The following TBXAS1 variants were observed in gnomAD, a reference collection of about 807,000 sequenced individuals.
The protein encoded by TBXAS1 is thromboxane-A synthase.
In TBXAS1, 48 loss-of-function variants were observed where a neutral mutation model predicts 60.7. The observed-to-expected ratio is 0.79, with a 90% CI of 0.63 to 1.01. TBXAS1 has a LOEUF of 1.01. TBXAS1 is among the 50% of genes least tolerant of loss of function. The pLI, the probability that TBXAS1 is intolerant of heterozygous loss-of-function variation, is 0.00. For synonymous variants in TBXAS1, 287 were observed against 269.7 expected (o/e 1.06, Z -0.63); for missense variants, 685 against 686.3 (o/e 1.00, Z 0.02).
chr7:139,923,298 G>C (rs1199452794), intron 4 of TBXAS1, among the ~76,000 whole-genome samples: 1 of 152,096 alleles, frequency 6.6e-6, no homozygotes, highest in Non-Finnish European at 1.5e-5. Context: ...CTGCACTTCA[G>C]CTTGAGCAAC....
intron 3 of TBXAS1, among the ~76,000 whole-genome samples, chr7:139,900,422 A>G (rs112439262): frequency 6.9e-4 from 105 of 152,288 alleles, no homozygotes; most frequent in African/African-American, 2.2e-3. Context: ...CACCTCAGGG[A>G]GCAGGAAGAC....
chr7:139,824,025 C>T (rs1257893772), intron 4 of TBXAS1, among the ~76,000 whole-genome samples: 3 of 152,216 alleles, frequency 2.0e-5, no homozygotes, highest in African/African-American at 7.2e-5. Context: ...TAGCACAGAG[C>T]AGCTGGGAGC....
chr7:139,910,291 C>CA (rs1365224928), intron 3 of TBXAS1, among the ~76,000 whole-genome samples: 2 of 152,148 alleles, frequency 1.3e-5, no homozygotes, highest in African/African-American at 4.8e-5. Flanking sequence ...TTCACGCCAC[C>CA]AGCTGACTGA....
At chr7:139,962,425 C>A in intron 9 of TBXAS1, 192 bp downstream of exon 9, 1 of 673,940 alleles carries the variant, frequency 1.5e-6, no homozygotes, top group Admixed American at 2.5e-5. Context: ...GAACAATAAC[C>A]ACAACAAAAA....
At chr7:139,947,727 TG>T (rs762127009) in intron 5 of TBXAS1, among the ~76,000 whole-genome samples, 3 of 152,196 alleles carry the variant, frequency 2.0e-5, no homozygotes, top group Non-Finnish European at 4.4e-5. Flanking sequence ...CGGCATCACC[TG>T]TGTAGGGACA....
chr7:139,977,786 G>GCAC (rs1340504268), intron 9 of TBXAS1, among the ~76,000 whole-genome samples: 3 of 152,100 alleles, frequency 2.0e-5, no homozygotes, highest in African/African-American at 2.4e-5. Context: ...ATGGTTATCA[G>GCAC]CACCACCACC....
chr7:139,839,054 T>A (rs932188873), intron 1 of TBXAS1, among the ~76,000 whole-genome samples: 4 of 152,206 alleles, frequency 2.6e-5, no homozygotes, highest in Admixed American at 2.6e-4. Context: ...ATTTAATCTT[T>A]CAAGCAACAC....
intron 10 of TBXAS1, among the ~76,000 whole-genome samples, chr7:140,010,195 T>C (rs1814503331): frequency 6.6e-6 from 1 of 152,080 alleles, no homozygotes; most frequent in Admixed American, 6.6e-5. Flanking sequence ...AGAGACAAGG[T>C]GTCACAATTC....
intron 4 of TBXAS1, among the ~76,000 whole-genome samples, chr7:139,799,543 A>C (rs1456924206): frequency 6.6e-6 from 1 of 151,974 alleles, no homozygotes; most frequent in African/African-American, 2.4e-5. Context: ...TTTTGTAGAG[A>C]TGGGTTTTTG....
chr7:139,965,620 G>A (rs1201052831), intron 9 of TBXAS1, among the ~76,000 whole-genome samples: 1 of 151,992 alleles, frequency 6.6e-6, no homozygotes, highest in Non-Finnish European at 1.5e-5. Context: ...ACTCTCAAGG[G>A]CTCGGATCCC....
At chr7:139,828,222 G>T (rs1798501461), upstream of TBXAS1, among the ~76,000 whole-genome samples, 1 of 152,124 alleles carries the variant, frequency 6.6e-6, no homozygotes, top group Non-Finnish European at 1.5e-5. Context: ...TTAATTTGAA[G>T]ACCTTGTCTT....
intron 9 of TBXAS1, among the ~76,000 whole-genome samples, chr7:139,994,073 C>T (rs184095871): frequency 1.3e-5 from 2 of 151,404 alleles, no homozygotes; most frequent in Admixed American, 1.3e-4. Context: ...TGAAGTTTTG[C>T]TCTTGTTGCC....
chr7:139,873,179 G>A (rs1328559529), intron 2 of TBXAS1, among the ~76,000 whole-genome samples: 2 of 152,190 alleles, frequency 1.3e-5, no homozygotes, highest in Non-Finnish European at 2.9e-5. Flanking sequence ...TTATGTGAGT[G>A]TACCAACGTG....
intron 3 of TBXAS1, among the ~76,000 whole-genome samples, chr7:139,909,256 A>C (rs766198312): frequency 2.0e-5 from 3 of 152,198 alleles, no homozygotes; most frequent in Non-Finnish European, 2.9e-5. Context: ...TCTTCAAGCC[A>C]AGGTGACTTT....
At position 139,955,530 on chromosome 7, in the gene TBXAS1, C is replaced by T. The variant is rs766406648; in HGVS notation, c.611C>T (p.Ala204Val). ...GGCACCCCGGTGGACTCCTGGCAGGCCCCTGAGGATCCCTTTGTGAAACAC... is the reference window on the plus strand; with the variant it reads ...GGCACCCCGGTGGACTCCTGGCAGGTCCCTGAGGATCCCTTTGTGAAACAC... ...AFGTPVDSWQ[A>V]PEDPFVKHCK... is the part of the protein sequence containing the mutation. Residue 204 changes from alanine to valine, a missense_variant, in exon 7 of 13, where the codon GCC becomes GTC. Transcript: ENST00000448866. 1 of 1,614,216 alleles carries T rather than the reference C, an allele frequency of 6.2e-7. No homozygotes were observed. The highest frequency in any genetic ancestry group is 1.1e-5 in the South Asian group (1 of 91,084).
chr7:139,845,536 C>T (rs944798029), intron 1 of TBXAS1, among the ~76,000 whole-genome samples: 1 of 152,174 alleles, frequency 6.6e-6, no homozygotes, highest in African/African-American at 2.4e-5. Flanking sequence ...TCATCACTTA[C>T]CTGGCTCCCC....
chr7:139,917,887 A>G (rs749175479), intron 4 of TBXAS1, among the ~76,000 whole-genome samples: 24 of 152,182 alleles, frequency 1.6e-4, no homozygotes, highest in Non-Finnish European at 3.4e-4. Context: ...TATTTATGCC[A>G]TATTTCCCTA....
rs114485159 is a variant in TBXAS1 at position 139,960,034 on chromosome 7, C to T, written c.820-1885C>T. ...TGAGGATGCTGTTTGAAAATCAGAACGAGCAGGGCCAGGGTGGAATGAAGC... is the reference window on the plus strand; with the variant it reads ...TGAGGATGCTGTTTGAAAATCAGAATGAGCAGGGCCAGGGTGGAATGAAGC... On this transcript the variant is annotated intron_variant, in intron 8 of 12. Coordinates refer to ENST00000448866, the MANE Select transcript of TBXAS1 (RefSeq NM_001061.7). 3.7e-3 allele frequency among the ~76,000 whole-genome samples: 570 copies of T among 152,270 alleles called. 3 individuals are homozygous for T. Among genetic ancestry groups the T allele is most frequent in the African/African-American group, 0.013 (544 of 41,556 alleles).
chr7:139,908,509 T>G (rs572227388), intron 3 of TBXAS1, among the ~76,000 whole-genome samples: 3 of 152,328 alleles, frequency 2.0e-5, no homozygotes, highest in Non-Finnish European at 2.9e-5. Context: ...TCTTAGTTCT[T>G]GTGTAAATAC....
Sources: allele counts gnomAD v4.1 joint callset (sites outside exome capture counted in the v4.1 genomes callset), GRCh38; gene constraint gnomAD v4.1.1; transcripts MANE v1.5; gene names NCBI Gene and HGNC (gene_info 2026-07-23, HGNC 2026-07-21).